The following KIAA1755 variants were observed in gnomAD, a reference collection of about 807,000 sequenced individuals.
KIAA1755 encodes the protein KIAA1755.
In KIAA1755, 68 loss-of-function variants were observed where a neutral mutation model predicts 91.7. The observed-to-expected ratio is 0.74, with a 90% CI of 0.61 to 0.91. The LOEUF (loss-of-function observed/expected upper bound fraction) is 0.91. Ranked by LOEUF, KIAA1755 falls within the 40% of genes least tolerant of loss-of-function variation. The pLI, the probability that KIAA1755 is intolerant of heterozygous loss-of-function variation, is 0.00. For missense variants in KIAA1755, 1,535 were observed against 1,494.4 expected, an observed-to-expected ratio of 1.03 and a Z score of -0.45; for synonymous variants, 610 against 604.6, an observed-to-expected ratio of 1.01 and a Z score of -0.13.
rs760756463 is a variant in KIAA1755 at position 38,241,127 on chromosome 20, C to T, written c.1004G>A (p.Arg335Gln). ...EANEGPSLGN[R>Q]ACTKPESSEE... ...AGAGCTTTCTGGCTTTGTGCAAGCC[C>T]GATTTCCCAAGGAAGGTCCTTCATT... is the stretch of plus-strand genomic sequence containing the variant. The change falls in exon 3 of 14, where the codon CGG becomes CAG. Residue 335 changes from arginine (R) to glutamine (Q), a missense_variant. Coordinates refer to ENST00000279024, the MANE Select transcript of KIAA1755 (RefSeq NM_001029864.2). 24 of 1,613,916 alleles carry T rather than the reference C, an allele frequency of 1.5e-5. No individual in the cohort carries two copies. Among genetic ancestry groups the T allele is most frequent in the East Asian group, 2.2e-5 (1 of 44,892 alleles).
At chr20:38,240,066 T>C (rs2123224736) in intron 3 of KIAA1755, among the ~76,000 whole-genome samples, 1 of 152,168 alleles carries the variant, frequency 6.6e-6, no homozygotes, top group East Asian at 2.0e-4. Flanking sequence ...CCAGCTTTTT[T>C]ATTTATTCCT....
In KIAA1755 at chr20:38,212,963, C is replaced by G; in HGVS notation, c.*79G>C. 2 of 1,134,068 alleles carry G rather than the reference C, an allele frequency of 1.8e-6. No homozygotes were observed. Among genetic ancestry groups the G allele is most frequent in the Non-Finnish European group, 2.5e-6 (2 of 804,042 alleles). The allele number at this position is 1,134,068 out of a possible 1,614,324, so 70.3% of individuals were successfully genotyped here. On this transcript the variant is annotated 3_prime_UTR_variant, in exon 14 of 14. Transcript: ENST00000279024. ...CATGGTGACGTCTCACTGGGACTGA[C>G]CAGAGCTCCCAGCTACCCCTCCAGC...
intron 1 of KIAA1755, among the ~76,000 whole-genome samples, chr20:38,253,155 C>T (rs1220612061): frequency 6.6e-6 from 1 of 152,198 alleles, no homozygotes; most frequent in East Asian, 1.9e-4. Context: ...AGCCCCCTCC[C>T]CTGCAGCCCA....
At chr20:38,219,554 G>T in intron 11 of KIAA1755, 76 bp downstream of exon 11, 1 of 1,564,530 alleles carries the variant, frequency 6.4e-7, no homozygotes, top group Non-Finnish European at 8.7e-7. Context: ...GACTAGGGAC[G>T]GGCCCAGAGT....
intron 1 of KIAA1755, among the ~76,000 whole-genome samples, chr20:38,248,250 G>A (rs769290975): frequency 6.6e-5 from 10 of 152,090 alleles, no homozygotes; most frequent in East Asian, 3.9e-4. Flanking sequence ...AATAAATAGC[G>A]GAAATATGAC....
intron 1 of KIAA1755, among the ~76,000 whole-genome samples, chr20:38,249,456 A>G (rs2076210013): frequency 6.6e-6 from 1 of 152,220 alleles, no homozygotes; most frequent in African/African-American, 2.4e-5. Flanking sequence ...GAGGAGGAGG[A>G]GGGTGGCATT....
chr20:38,225,898 C>T, intron 7 of KIAA1755, 117 bp from the exon 8 acceptor site: 1 of 582,514 alleles, frequency 1.7e-6, no homozygotes, highest in Non-Finnish European at 2.9e-6. Flanking sequence ...AGGTTGACTC[C>T]AGCTTTAAAA....
At chr20:38,242,314 C>T (rs762754539) in intron 2 of KIAA1755, among the ~76,000 whole-genome samples, 16 of 152,226 alleles carry the variant, frequency 1.1e-4, no homozygotes, top group Non-Finnish European at 2.1e-4. Context: ...TTTAGACAAA[C>T]GTCTATGTTG....
chr20:38,231,407 G>T, intron 4 of KIAA1755, 82 bp from the exon 5 acceptor site: 1 of 1,413,750 alleles, frequency 7.1e-7, no homozygotes, highest in Non-Finnish European at 9.3e-7. Context: ...GCAGACCTTT[G>T]GCCGTAACGG....
chr20:38,240,945 C>A lies in KIAA1755; in HGVS notation c.1186G>T (p.Ala396Ser), dbSNP rs780629670. ...AGAGGTCCCTGCATCTTGGAGGCAG[C>A]TGGCTCTTGTGAGACACCTGCCCTG... The part of the protein sequence containing the change: ...GLRAGVSQEP[A>S]ASKMQGPLGN... Residue 396 changes from alanine (A) to serine (S), a missense_variant, in exon 3 of 14, where the codon GCT becomes TCT. By Grantham distance (99) the Ala-to-Ser change is moderately conservative. Coordinates refer to ENST00000279024, the MANE Select transcript of KIAA1755 (RefSeq NM_001029864.2). 2 of 1,614,018 alleles carry A rather than the reference C, an allele frequency of 1.2e-6. No homozygotes were observed. Among genetic ancestry groups the A allele is most frequent in the East Asian group, 4.5e-5 (2 of 44,886 alleles).
chr20:38,260,380 C>A, intron 1 of KIAA1755, 118 bp downstream of exon 1: 1 of 1,601,436 alleles, frequency 6.2e-7, no homozygotes. Flanking sequence ...TGCCAAGGCA[C>A]TGAGGGTCGT....
At position 38,245,786 on chromosome 20, in the gene KIAA1755, C is replaced by T. The variant is rs77021949; in HGVS notation, c.201+143G>A. ...GGGCTGATGTCTCCCCCTGGGCAAG[C>T]AATGATACTTGGAAAGTCCCCCCAC... On this transcript the variant is annotated intron_variant, in intron 2 of 13. Transcript: ENST00000279024. 6.7e-3 allele frequency: 4,703 copies of T among 699,878 alleles called. 87 individuals are homozygous for T. Among genetic ancestry groups the T allele is most frequent in the East Asian group, 0.047 (1,755 of 37,250 alleles). 43.4% of individuals were successfully genotyped at this position (699,878 alleles called of 1,614,324 possible). A position where few individuals can be genotyped will look rare whatever the true frequency, so the allele number is the denominator to read the frequency against.
intron 10 of KIAA1755, among the ~76,000 whole-genome samples, chr20:38,220,209 C>G (rs2076026569): frequency 6.6e-6 from 1 of 152,176 alleles, no homozygotes; most frequent in South Asian, 2.1e-4. Flanking sequence ...TACATTATAA[C>G]CTGCCCTGGG....
At chr20:38,260,306 C>T (rs2076424864) in intron 1 of KIAA1755, 192 bp downstream of exon 1, 17 of 1,551,248 alleles carry the variant, frequency 1.1e-5, no homozygotes, top group Non-Finnish European at 1.4e-5. Flanking sequence ...CAGGAGAGGA[C>T]GCGGCCAGAG....
chr20:38,252,017 G>T (rs2076259495), intron 1 of KIAA1755, among the ~76,000 whole-genome samples: 1 of 152,114 alleles, frequency 6.6e-6, no homozygotes, highest in African/African-American at 2.4e-5. Flanking sequence ...GAGGCCCCTT[G>T]CCAGTTGTCT....
chr20:38,249,388 G>A (rs1329769023), intron 1 of KIAA1755, among the ~76,000 whole-genome samples: 1 of 152,142 alleles, frequency 6.6e-6, no homozygotes. Flanking sequence ...ACTTAAGGAG[G>A]GAAAAATCAT....
At chr20:38,224,779 C>T (rs754601522) in intron 8 of KIAA1755, among the ~76,000 whole-genome samples, 6 of 152,146 alleles carry the variant, frequency 3.9e-5, no homozygotes, top group Admixed American at 6.5e-5. Context: ...TTAAGCCCAC[C>T]GAAAGGCACC....
chr20:38,224,263 A>T (rs1443826605), intron 8 of KIAA1755, among the ~76,000 whole-genome samples: 1 of 152,188 alleles, frequency 6.6e-6, no homozygotes, highest in East Asian at 1.9e-4. Context: ...GTGGGTCTAC[A>T]GGTAAGATTT....
intron 1 of KIAA1755, among the ~76,000 whole-genome samples, chr20:38,252,819 A>G (rs2123324876): frequency 6.6e-6 from 1 of 152,274 alleles, no homozygotes; most frequent in African/African-American, 2.4e-5. Context: ...TGGCCAGCAC[A>G]TTACCCACTA....
Sources: allele counts gnomAD v4.1 joint callset (sites outside exome capture counted in the v4.1 genomes callset), GRCh38; gene constraint gnomAD v4.1.1; transcripts MANE v1.5; gene names NCBI Gene and HGNC (gene_info 2026-07-23, HGNC 2026-07-21).